Variants in ACAD11 observed in about 807,000 individuals in gnomAD.
ACAD11 encodes the protein acyl-CoA dehydrogenase family member 11.
A neutral mutation model predicts 102.2 loss-of-function variants in ACAD11; 83 were observed. The ratio of observed to expected loss-of-function variants is 0.81; its 90% CI spans 0.68 to 0.97. The LOEUF (loss-of-function observed/expected upper bound fraction) is 0.97. Among genes scored for constraint, ACAD11 ranks in the 50% least tolerant of loss-of-function variants. ACAD11 has a pLI of 0.00. For missense variants in ACAD11, 901 were observed against 951.7 expected, an observed-to-expected ratio of 0.95 and a Z score of 0.70; for synonymous variants, 324 against 319.8, an observed-to-expected ratio of 1.01 and a Z score of -0.14.
chr3:132,652,663 A>G (rs1415282677), intron 1 of ACAD11, among the ~76,000 whole-genome samples: 2 of 152,188 alleles, frequency 1.3e-5, no homozygotes, highest in Non-Finnish European at 2.9e-5. Flanking sequence ...ACAGATCATG[A>G]GAAAAAAAAT....
chr3:132,603,198 G>A (rs368529956), intron 13 of ACAD11, 31 bp downstream of exon 13: 11 of 1,507,898 alleles, frequency 7.3e-6, no homozygotes, highest in African/African-American at 1.4e-5. Context: ...GGATCAGTGT[G>A]TTAGGTGAAA....
At chr3:132,642,637 A>G in intron 3 of ACAD11, 40 bp downstream of exon 3, 1 of 1,551,438 alleles carries the variant, frequency 6.4e-7, no homozygotes, top group Non-Finnish European at 8.7e-7. Flanking sequence ...CTTCATAATT[A>G]AAAGTAAAAG....
chr3:132,576,676 C>G (rs2107792318), intron 16 of ACAD11, among the ~76,000 whole-genome samples: 1 of 152,280 alleles, frequency 6.6e-6, no homozygotes, highest in East Asian at 1.9e-4. Flanking sequence ...GAAAATCCGC[C>G]AAACAGAAAA....
intron 1 of ACAD11, among the ~76,000 whole-genome samples, chr3:132,657,237 T>C (rs1040789615): frequency 1.3e-5 from 2 of 152,226 alleles, no homozygotes; most frequent in Non-Finnish European, 2.9e-5. Context: ...AAGTTCTTCT[T>C]TTCCCCCCAC....
chr3:132,651,727 A>C (rs1001048879), intron 1 of ACAD11, among the ~76,000 whole-genome samples: 12 of 152,212 alleles, frequency 7.9e-5, no homozygotes, highest in African/African-American at 2.9e-4. Flanking sequence ...GTGAACATGG[A>C]GTCAAAGGAT....
intron 11 of ACAD11, among the ~76,000 whole-genome samples, chr3:132,611,694 A>T (rs1939157692): frequency 6.6e-6 from 1 of 152,034 alleles, no homozygotes. Context: ...TTCAAGGAGA[A>T]CTACAAACCA....
chr3:132,602,760 A>G (rs1402473657), intron 13 of ACAD11, among the ~76,000 whole-genome samples: 1 of 152,118 alleles, frequency 6.6e-6, no homozygotes, highest in African/African-American at 2.4e-5. Flanking sequence ...TTCAACCACT[A>G]TTTCTAAGTT....
chr3:132,565,879 A>G (rs545978154), intron 17 of ACAD11, among the ~76,000 whole-genome samples: 6 of 152,294 alleles, frequency 3.9e-5, no homozygotes, highest in African/African-American at 1.4e-4. Context: ...AGAAATAGAC[A>G]TTGGCATTAG....
rs902355911 is a variant in ACAD11, at chr3:132,558,336, G to T, written c.*635C>A. The T allele has an allele frequency of 6.6e-6, 1 of 151,992 alleles. No individual in the cohort carries two copies. Among genetic ancestry groups the T allele is most frequent in the Non-Finnish European group, 1.5e-5 (1 of 68,022 alleles). The allele number at this position is 151,992 out of a possible 1,614,324, so 9.4% of individuals were successfully genotyped here. On this transcript the variant is annotated 3_prime_UTR_variant, in exon 20 of 20. Transcript: ENST00000264990. ...TCACAACAAACCCTCAGTGGGTCAG[G>T]GTCTTCTAAGATTAAAATGTTAACA...
At chr3:132,573,151 C>T (rs1246708662) in intron 17 of ACAD11, among the ~76,000 whole-genome samples, 1 of 152,092 alleles carries the variant, frequency 6.6e-6, no homozygotes, top group African/African-American at 2.4e-5. Context: ...TATTGTTCAT[C>T]TCCCCACTTA....
intron 1 of ACAD11, among the ~76,000 whole-genome samples, chr3:132,653,150 C>T (rs1937616397): frequency 6.6e-6 from 1 of 152,160 alleles, no homozygotes; most frequent in African/African-American, 2.4e-5. Flanking sequence ...CCTCAGCAAA[C>T]CTCAAAGTGA....
intron 11 of ACAD11, among the ~76,000 whole-genome samples, chr3:132,618,078 C>T (rs573914745): frequency 1.3e-5 from 2 of 152,094 alleles, no homozygotes; most frequent in Non-Finnish European, 2.9e-5. Context: ...CACTTTTCAT[C>T]TTCAAACTTA....
intron 13 of ACAD11, chr3:132,601,907 C>T (rs1938621522): frequency 1.0e-5 from 2 of 190,722 alleles, no homozygotes; most frequent in Admixed American, 5.5e-5. Flanking sequence ...CCACTCTGTA[C>T]CATCTTTGTA....
At chr3:132,655,462 C>T (rs1937738147) in intron 1 of ACAD11, among the ~76,000 whole-genome samples, 3 of 152,196 alleles carry the variant, frequency 2.0e-5, no homozygotes, top group South Asian at 2.1e-4. Context: ...CTACTTCAGG[C>T]ATTTGGGCTG....
chr3:132,643,245 G>C (rs1473455002), intron 2 of ACAD11, among the ~76,000 whole-genome samples: 1 of 152,202 alleles, frequency 6.6e-6, no homozygotes, highest in Non-Finnish European at 1.5e-5. Context: ...GGTGAGAGGT[G>C]AGTGGTGGTG....
chr3:132,639,666 T>A lies in ACAD11; in HGVS notation c.538-10A>T. ...TTGTCCAGGTTGATACCTAAAGACA[T>A]ATAAATAAGAAAAATGGTAAAGCTG... On this transcript the variant is annotated splice_polypyrimidine_tract_variant and intron_variant, in intron 4 of 19. Coordinates refer to ENST00000264990, the MANE Select transcript of ACAD11 (RefSeq NM_032169.5). 1 of 1,597,144 alleles carries A rather than the reference T, an allele frequency of 6.3e-7. No individual in the cohort carries two copies. The highest frequency in any genetic ancestry group is 8.5e-7 in the Non-Finnish European group (1 of 1,175,130).
At chr3:132,629,071 CCAT>C (rs1356973760) in intron 7 of ACAD11, among the ~76,000 whole-genome samples, 2 of 152,168 alleles carry the variant, frequency 1.3e-5, no homozygotes, top group Non-Finnish European at 2.9e-5. Flanking sequence ...AATAGTTCTT[CCAT>C]CATATTCAAT....
At chr3:132,656,500 T>TC (rs1479154892) in intron 1 of ACAD11, among the ~76,000 whole-genome samples, 2 of 151,900 alleles carry the variant, frequency 1.3e-5, no homozygotes, top group African/African-American at 4.8e-5. Flanking sequence ...GTCAGATTTT[T>TC]TTTTTTTTTG....
chr3:132,650,633 G>A (rs1940894978), intron 1 of ACAD11, among the ~76,000 whole-genome samples: 1 of 152,094 alleles, frequency 6.6e-6, no homozygotes, highest in East Asian at 1.9e-4. Flanking sequence ...ATTCATGATA[G>A]AGGACAAAGG....
Sources: gnomAD v4.1 joint callset for allele counts (sites outside exome capture counted in the v4.1 genomes callset) on GRCh38, gnomAD v4.1.1 for gene constraint, MANE v1.5 for transcripts, NCBI Gene and HGNC (gene_info 2026-07-23, HGNC 2026-07-21) for gene names.